Variants in ARHGEF10L observed in about 807,000 individuals in gnomAD.
The protein encoded by ARHGEF10L is rho guanine nucleotide exchange factor 10-like protein.
Under a neutral mutation model 141.2 loss-of-function variants are expected in ARHGEF10L, and 69 were observed. The ratio of observed to expected loss-of-function variants is 0.49; its 90% confidence interval spans 0.40 to 0.60. ARHGEF10L has a LOEUF of 0.60. Among genes scored for constraint, ARHGEF10L ranks in the 20% least tolerant of loss-of-function variants. The pLI is 0.00. For missense variants in ARHGEF10L, 1,482 were observed against 1,734.3 expected (o/e 0.85, Z 2.58); for synonymous variants, 711 against 718.5 (o/e 0.99, Z 0.17).
At chr1:17,598,760 GCTCT>G (rs893761868) in intron 4 of ARHGEF10L, among the ~76,000 whole-genome samples, 30 of 151,350 alleles carry the variant, frequency 2.0e-4, no homozygotes, top group African/African-American at 3.6e-4. Flanking sequence ...GAGGGCTACT[GCTCT>G]CTCTCTCTCT....
chr1:17,517,759 C>G, the ARHGEF10L span, among the ~76,000 whole-genome samples: 1 of 151,042 alleles, frequency 6.6e-6, no homozygotes, highest in East Asian at 2.0e-4. Flanking sequence ...CTCCGGGGTT[C>G]AAACAATTCT....
At position 17,621,213 on chromosome 1, in the gene ARHGEF10L, T is replaced by C. The variant is rs934091335; in HGVS notation, c.943-651T>C. 6.6e-6 allele frequency among the ~76,000 whole-genome samples: 1 copy of C among 152,198 alleles called. No homozygotes were observed. Among genetic ancestry groups the C allele is most frequent in the Non-Finnish European group, 1.5e-5 (1 of 68,028 alleles). On this transcript the variant is annotated intron_variant, in intron 10 of 28. Transcript: ENST00000361221. This position sits in a 1 kb window ranked among gnomAD's most constrained non-coding sequence, Gnocchi z 4.1. ...GTGAAGGGAGCTGAGATTCGGTTCA[T>C]GCTAATGCTAAGACAGAATTTTCTT...
the ARHGEF10L span, among the ~76,000 whole-genome samples, chr1:17,520,830 C>T: frequency 6.6e-6 from 1 of 152,328 alleles, no homozygotes. Context: ...AGTTCAATGG[C>T]ATCATTTTAC....
At chr1:17,638,711 G>A (rs939026477) in intron 20 of ARHGEF10L, 22 bp downstream of exon 20, 3 of 1,613,092 alleles carry the variant, frequency 1.9e-6, no homozygotes, top group Non-Finnish European at 2.5e-6. Flanking sequence ...GGGTCTTGGA[G>A]GGAGGGCTGC....
chr1:17,651,472 G>T (rs957622654), intron 22 of ARHGEF10L, among the ~76,000 whole-genome samples: 1 of 152,196 alleles, frequency 6.6e-6, no homozygotes, highest in African/African-American at 2.4e-5. Flanking sequence ...TATGGTGGGC[G>T]TTGGATTCTC....
At chr1:17,537,367 T>C (rs1466496093), upstream of ARHGEF10L, among the ~76,000 whole-genome samples, 6 of 152,354 alleles carry the variant, frequency 3.9e-5, no homozygotes, top group Admixed American at 2.0e-4. Context: ...GGGTGTCCTT[T>C]AGAATCCATT....
At chr1:17,618,409 T>A in intron 9 of ARHGEF10L, 1 of 1,538,826 alleles carries the variant, frequency 6.5e-7, no homozygotes. Flanking sequence ...CTGGGGTGGG[T>A]GCGGAGTGAT....
At position 17,673,366 on chromosome 1, in the gene ARHGEF10L, AG is replaced by A. The variant is rs1182987397; in HGVS notation, c.3009+8775del. Among the ~76,000 whole-genome samples the A allele has an allele frequency of 1.3e-5, 2 of 152,054 alleles. No homozygotes were observed. The highest frequency in any genetic ancestry group is 4.8e-5 in the African/African-American group (2 of 41,402). ...GGGAGAGGGGGAGGGCAGATGCCCA[AG>A]GGGCAGCTGCCCAGTCCTTTTGGAA... On this transcript the variant is annotated intron_variant, in intron 26 of 28. Transcript: ENST00000361221. This position sits in a 1 kb window ranked among gnomAD's most constrained non-coding sequence, Gnocchi z 4.1.
rs894964306 is a variant in ARHGEF10L at position 17,627,690 on chromosome 1, A to C, written c.1584+187A>C. Among the ~76,000 whole-genome samples, 1 of 152,138 alleles carries C rather than the reference A, an allele frequency of 6.6e-6. No individual in the cohort carries two copies. The highest frequency in any genetic ancestry group is 6.5e-5 in the Admixed American group (1 of 15,282). On this transcript the variant is annotated intron_variant, in intron 15 of 28. Coordinates refer to ENST00000361221, the MANE Select transcript of ARHGEF10L (RefSeq NM_018125.4). The surrounding 1 kb of genome is among the most constrained non-coding windows in gnomAD (Gnocchi z 4.0). ...GGGACCCCCACGTTCATTCCTGTTC[A>C]TGTTATTTTAAGATAAAAGTTCATT...
intron 21 of ARHGEF10L, among the ~76,000 whole-genome samples, chr1:17,640,960 A>G (rs1466090578): frequency 6.6e-6 from 1 of 152,056 alleles, no homozygotes; most frequent in African/African-American, 2.4e-5. Flanking sequence ...TCTGTTGAGA[A>G]TCTCTTTTTC....
intron 23 of ARHGEF10L, among the ~76,000 whole-genome samples, chr1:17,655,612 G>A (rs1472019697): frequency 2.0e-5 from 3 of 152,244 alleles, no homozygotes; most frequent in African/African-American, 4.8e-5. Flanking sequence ...TATATTGGTT[G>A]AAATGCACCC....
the ARHGEF10L span, among the ~76,000 whole-genome samples, chr1:17,525,131 A>G: frequency 6.6e-6 from 1 of 152,180 alleles, no homozygotes. Flanking sequence ...CTGCTGGCCC[A>G]GCCAAACCCA....
rs369264523 is a variant in ARHGEF10L, at chr1:17,588,525, A to G, written c.257+46A>G. On this transcript the variant is annotated intron_variant, in intron 4 of 28. Coordinates refer to ENST00000361221, the MANE Select transcript of ARHGEF10L (RefSeq NM_018125.4). ...TGCTTTGGCGGTTGGAAACAGGGAG[A>G]CACCGGGCAGTGGGTGGGGATGGGG... 2.4e-5 allele frequency: 39 copies of G among 1,612,188 alleles called. No individual in the cohort carries two copies. In the African/African-American group the frequency reaches 4.8e-4, roughly 20 times the overall value.
chr1:17,580,875 G>A (rs1358353134), intron 2 of ARHGEF10L, among the ~76,000 whole-genome samples: 3 of 152,206 alleles, frequency 2.0e-5, no homozygotes, highest in Non-Finnish European at 2.9e-5. Context: ...CCTGAGATCC[G>A]CCGGAGAGGT....
intron 26 of ARHGEF10L, among the ~76,000 whole-genome samples, chr1:17,671,650 G>T (rs1302876850): frequency 6.6e-6 from 1 of 152,222 alleles, no homozygotes; most frequent in Non-Finnish European, 1.5e-5. Context: ...GAGGGGCTGT[G>T]GTGGGGTTAA....
At position 17,627,503 on chromosome 1, in the gene ARHGEF10L, G is replaced by A. The variant is rs1270960682; in HGVS notation, c.1584G>A (p.Lys528=). 2 of 1,611,376 alleles carry A rather than the reference G, an allele frequency of 1.2e-6. No individual in the cohort carries two copies. The highest frequency in any genetic ancestry group is 1.7e-5 in the Admixed American group (1 of 59,930). ...TCAGTGACCGCAGCAGCCTCAACAAGGTGAGCTGGGCCTCCCACCTGCCTG... is the reference window on the plus strand; with the variant it reads ...TCAGTGACCGCAGCAGCCTCAACAAAGTGAGCTGGGCCTCCCACCTGCCTG... ...KSVSDRSSLN[K]LLTSGQRQLL... Residue 528 remains lysine, a splice_region_variant and synonymous_variant, in exon 15 of 29, where the codon AAG becomes AAA. Transcript: ENST00000361221. This position sits in a 1 kb window ranked among gnomAD's most constrained non-coding sequence, Gnocchi z 4.0.
upstream of ARHGEF10L, among the ~76,000 whole-genome samples, chr1:17,535,437 G>A (rs1032801378): frequency 4.6e-5 from 7 of 152,244 alleles, no homozygotes; most frequent in Non-Finnish European, 7.3e-5. Context: ...GGGGACCCCT[G>A]CACTATGGAG....
chr1:17,638,009 T>C lies in ARHGEF10L; in HGVS notation c.2043+6T>C. 6.4e-7 allele frequency: 1 copy of C among 1,569,534 alleles called. No individual in the cohort carries two copies. Among genetic ancestry groups the C allele is most frequent in the Non-Finnish European group, 8.6e-7 (1 of 1,156,468 alleles). On this transcript the variant is annotated splice_donor_region_variant and intron_variant, in intron 19 of 28. Transcript: ENST00000361221. ...CGCTGCACGGCACCTACCAGGTACG[T>C]GGCCTGGCCTGACCTTTTTGGCCTG...
intron 1 of ARHGEF10L, among the ~76,000 whole-genome samples, chr1:17,550,914 T>G (rs1417838466): frequency 6.6e-6 from 1 of 151,966 alleles, no homozygotes; most frequent in Non-Finnish European, 1.5e-5. Context: ...TAGTGCCAGG[T>G]GCTGAACTAA....
Sources: gnomAD v4.1 joint callset for allele counts (sites outside exome capture counted in the v4.1 genomes callset) on GRCh38, gnomAD v4.1.1 for gene constraint, Gnocchi (gnomAD v3.1) non-coding constraint, MANE v1.5 for transcripts, NCBI Gene and HGNC (gene_info 2026-07-23, HGNC 2026-07-21) for gene names.